ERMAP: variants seen among roughly 807,000 people sequenced by gnomAD.
ERMAP encodes the protein erythroid membrane-associated protein.
ERMAP carries 34 observed loss-of-function variants against 49.5 expected under a neutral mutation model. That is an observed-to-expected ratio of 0.69 (90% confidence interval 0.52 to 0.91). The LOEUF (loss-of-function observed/expected upper bound fraction) is 0.91. Ranked by LOEUF, ERMAP falls within the 40% of genes least tolerant of loss-of-function variation. ERMAP has a pLI of 0.00. For missense variants in ERMAP, 541 were observed against 582.6 expected (o/e 0.93, Z 0.74); for synonymous variants, 214 against 232.2 (o/e 0.92, Z 0.71).
chr1:42,827,967 T>C (rs189388589), intron 2 of ERMAP, among the ~76,000 whole-genome samples: 7 of 152,138 alleles, frequency 4.6e-5, no homozygotes, highest in African/African-American at 1.7e-4. Flanking sequence ...ACAATATATA[T>C]GGAGAAACAA....
In ERMAP at chr1:42,835,062, C is replaced by G; in HGVS notation, c.458C>G (p.Pro153Arg). The G allele has an allele frequency of 2.0e-6, 3 of 1,525,048 alleles. No individual in the cohort carries two copies. Among genetic ancestry groups the G allele is most frequent in the Non-Finnish European group, 2.7e-6 (3 of 1,098,608 alleles). The allele number at this position is 1,525,048 out of a possible 1,614,324, so 94.5% of individuals were successfully genotyped here. Residue 153 changes from proline (P) to arginine (R), a missense_variant, in exon 5 of 12, where the codon CCC becomes CGC. Physicochemically the swap from Pro to Arg is moderately radical, Grantham distance 103. Transcript: ENST00000372517. ...VAAPSVGSLS[P>R]SAVALAVILP... ...GCCCCATCTGTGGGGAGTCTCTCCC[C>G]CTCAGCAGTGGCTCTGGCTGTGATC...
chr1:42,842,629 A>T lies in ERMAP; in HGVS notation c.825A>T (p.Arg275Ser). 6.2e-7 allele frequency: 1 copy of T among 1,614,094 alleles called. No individual in the cohort carries two copies. The highest frequency in any genetic ancestry group is 1.1e-5 in the South Asian group (1 of 91,074). ...RRQPVPDNPQ[R>S]FDFVVSILGS... ...AGCCTGTACCTGACAACCCCCAGAG[A>T]TTTGATTTCGTTGTCAGCATCCTAG... is the stretch of plus-strand genomic sequence containing the variant. Residue 275 changes from arginine (R) to serine (S), a missense_variant, in exon 12 of 12, where the codon AGA becomes AGT. Coordinates refer to ENST00000372517, the MANE Select transcript of ERMAP (RefSeq NM_001017922.2).
intron 1 of ERMAP, among the ~76,000 whole-genome samples, chr1:42,821,865 T>G (rs1353193683): frequency 6.6e-6 from 1 of 151,850 alleles, no homozygotes; most frequent in African/African-American, 2.4e-5. Flanking sequence ...TTTTTAAAAA[T>G]AGCTGGGCTT....
chr1:42,826,744 T>C (rs1399086356), intron 2 of ERMAP, among the ~76,000 whole-genome samples: 2 of 151,426 alleles, frequency 1.3e-5, no homozygotes, highest in Admixed American at 6.6e-5. Flanking sequence ...TAGTCCCAGG[T>C]ACTCAGGAGG....
At chr1:42,833,384 G>A (rs1654803697) in intron 4 of ERMAP, among the ~76,000 whole-genome samples, 1 of 152,160 alleles carries the variant, frequency 6.6e-6, no homozygotes, top group South Asian at 2.1e-4. Flanking sequence ...TTGTATATAT[G>A]TATCTCTGAG....
chr1:42,840,908 G>A (rs1655040256), intron 11 of ERMAP, among the ~76,000 whole-genome samples: 1 of 152,188 alleles, frequency 6.6e-6, no homozygotes, highest in Non-Finnish European at 1.5e-5. Context: ...TTGCTTAGGG[G>A]TGGTGATTGA....
At chr1:42,836,510 C>T (rs1423864688) in intron 6 of ERMAP, among the ~76,000 whole-genome samples, 1 of 152,092 alleles carries the variant, frequency 6.6e-6, no homozygotes, top group East Asian at 1.9e-4. Context: ...TTTAGTCATT[C>T]TCGTAAGAGC....
chr1:42,839,127 T>C (rs935726666), intron 8 of ERMAP: 13 of 727,738 alleles, frequency 1.8e-5, no homozygotes, highest in Non-Finnish European at 2.3e-5. Context: ...ATTTAGTCTT[T>C]AAATGAAAAA....
chr1:42,826,392 T>A (rs950414171), intron 2 of ERMAP, among the ~76,000 whole-genome samples: 3 of 150,350 alleles, frequency 2.0e-5, no homozygotes, highest in Non-Finnish European at 4.5e-5. Flanking sequence ...AATTTTTTTT[T>A]AAATGATAAT....
rs546105694 is a variant in ERMAP at position 42,817,165 on chromosome 1, G to A, written c.-210G>A. 3 of 1,205,544 alleles carry A rather than the reference G, an allele frequency of 2.5e-6. No homozygotes were observed. The highest frequency in any genetic ancestry group is 2.8e-5 in the South Asian group (2 of 70,804). The allele number at this position is 1,205,544 out of a possible 1,614,324, so 74.7% of individuals were successfully genotyped here. On this transcript the variant is annotated 5_prime_UTR_variant, in exon 1 of 12. Coordinates refer to ENST00000372517, the MANE Select transcript of ERMAP (RefSeq NM_001017922.2). ...GAAAATGGCGGTCGCTGGAGCCGCCGACCAAGAGGCTTGGGAGTCTGTACC... is the reference window on the plus strand; with the variant it reads ...GAAAATGGCGGTCGCTGGAGCCGCCAACCAAGAGGCTTGGGAGTCTGTACC...
intron 8 of ERMAP, 113 bp from the exon 9 acceptor site, chr1:42,839,920 G>T (rs909061319): frequency 8.4e-6 from 9 of 1,071,312 alleles, no homozygotes; most frequent in Non-Finnish European, 1.3e-5. Context: ...AAGTTCCAGG[G>T]TATAGCTATT....
At chr1:42,840,199 A>G (rs1295877566) in intron 10 of ERMAP, 21 bp downstream of exon 10, 2 of 1,614,180 alleles carry the variant, frequency 1.2e-6, no homozygotes, top group East Asian at 4.5e-5. Context: ...CTTTCTCCAC[A>G]TTTGACCACC....
chr1:42,844,313 A>G lies in ERMAP; in HGVS notation c.*1081A>G. The G allele has an allele frequency of 5.1e-6, 2 of 393,500 alleles. No homozygotes were observed. Among genetic ancestry groups the G allele is most frequent in the Non-Finnish European group, 9.0e-6 (2 of 223,290 alleles). 24.4% of individuals were successfully genotyped at this position (393,500 alleles called of 1,614,324 possible). On this transcript the variant is annotated 3_prime_UTR_variant, in exon 12 of 12. Transcript: ENST00000372517. This position sits in a 1 kb window ranked among gnomAD's most constrained non-coding sequence, Gnocchi z 4.0. ...CCTCGTCGCTTTCAAGTCACATCAT[A>G]TATGCGATCTGGCCTAACCATGGAG... is the stretch of plus-strand genomic sequence containing the variant.
Position 42,830,756 on chromosome 1 carries a change from T to C in ERMAP, c.86-12T>C. On this transcript the variant is annotated splice_polypyrimidine_tract_variant and intron_variant, in intron 3 of 11. Transcript: ENST00000372517. ...GTCCCTCCCAGTTGGCCTTGTCTCT[T>C]TTTTTGTCCAGGCCACGCAGGGGAT... 1 of 1,518,156 alleles carries C rather than the reference T, an allele frequency of 6.6e-7. No homozygotes were observed. The highest frequency in any genetic ancestry group is 1.2e-5 in the South Asian group (1 of 80,252). 94.0% of individuals were successfully genotyped at this position (1,518,156 alleles called of 1,614,324 possible). A position where few individuals can be genotyped will look rare whatever the true frequency, so the allele number is the denominator to read the frequency against.
At chr1:42,841,136 A>G (rs1655047542) in intron 11 of ERMAP, among the ~76,000 whole-genome samples, 1 of 152,140 alleles carries the variant, frequency 6.6e-6, no homozygotes, top group African/African-American at 2.4e-5. Flanking sequence ...AGAGTACAAC[A>G]AATTATGAGT....
At chr1:42,824,787 C>T (rs1654495364) in intron 1 of ERMAP, 2 of 152,268 alleles carry the variant, frequency 1.3e-5, no homozygotes, top group Non-Finnish European at 2.9e-5. Flanking sequence ...TGACTCCTCT[C>T]ACTGTTGTTT....
chr1:42,825,890 A>C, intron 2 of ERMAP, 152 bp downstream of exon 2: 1 of 933,114 alleles, frequency 1.1e-6, no homozygotes, highest in Non-Finnish European at 1.4e-6. Flanking sequence ...AAAGAAACAC[A>C]AAAGGAGACA....
At chr1:42,834,287 G>T (rs568799971) in intron 4 of ERMAP, among the ~76,000 whole-genome samples, 1 of 151,934 alleles carries the variant, frequency 6.6e-6, no homozygotes, top group Non-Finnish European at 1.5e-5. Flanking sequence ...CTTTGCCCCC[G>T]TGGACAGTGC....
intron 4 of ERMAP, among the ~76,000 whole-genome samples, chr1:42,833,343 A>G (rs1170819047): frequency 6.6e-6 from 1 of 152,244 alleles, no homozygotes; most frequent in Non-Finnish European, 1.5e-5. Flanking sequence ...AACTGCTGCT[A>G]ACATTTTTGT....
Sources: allele counts gnomAD v4.1 joint callset (sites outside exome capture counted in the v4.1 genomes callset), GRCh38; gene constraint gnomAD v4.1.1; non-coding constraint Gnocchi (gnomAD v3.1); transcripts MANE v1.5; gene names NCBI Gene and HGNC (gene_info 2026-07-23, HGNC 2026-07-21).